The following LANCL2 variants were observed in gnomAD, a reference collection of about 807,000 sequenced individuals.
LANCL2 encodes lanC-like protein 2.
LANCL2 carries 33 observed loss-of-function variants against 56.9 expected under a neutral mutation model. The observed-to-expected ratio is 0.58, with a 90% CI of 0.44 to 0.78. The LOEUF (loss-of-function observed/expected upper bound fraction) is 0.78, where lower values mean the gene tolerates loss of function less well. Ranked by LOEUF, LANCL2 falls within the 30% of genes least tolerant of loss-of-function variation. LANCL2 has a pLI of 0.00. For synonymous variants in LANCL2, 233 were observed against 228.2 expected (o/e 1.02, Z -0.19); for missense variants, 562 against 580.2 (o/e 0.97, Z 0.32).
intron 1 of LANCL2, among the ~76,000 whole-genome samples, chr7:55,375,974 A>G (rs988878188): frequency 1.3e-5 from 2 of 152,056 alleles, no homozygotes; most frequent in South Asian, 2.1e-4. Context: ...TCTGCCCTAT[A>G]TTTCTGACTT....
At chr7:55,396,892 A>T (rs1322682807) in intron 2 of LANCL2, 1 of 152,156 alleles carries the variant, frequency 6.6e-6, no homozygotes, top group Non-Finnish European at 1.5e-5. Context: ...TGAAATTTGT[A>T]AGTATTTAAC....
intron 1 of LANCL2, among the ~76,000 whole-genome samples, chr7:55,388,363 G>A (rs557140763): frequency 6.6e-6 from 1 of 152,238 alleles, no homozygotes; most frequent in Admixed American, 6.5e-5. Context: ...CTGGCCAACA[G>A]GGTAAAACTC....
At chr7:55,368,882 T>C (rs768467867) in intron 1 of LANCL2, among the ~76,000 whole-genome samples, 6 of 152,228 alleles carry the variant, frequency 3.9e-5, no homozygotes, top group Non-Finnish European at 7.3e-5. Flanking sequence ...TGATGGCTCA[T>C]GCCTGTAATA....
chr7:55,419,765 T>G (rs1435758449), intron 6 of LANCL2, among the ~76,000 whole-genome samples: 1 of 152,242 alleles, frequency 6.6e-6, no homozygotes, highest in Non-Finnish European at 1.5e-5. Flanking sequence ...ATAGCAGCTG[T>G]GTCAAAGTTG....
At chr7:55,409,136 T>C (rs1455458266) in intron 5 of LANCL2, among the ~76,000 whole-genome samples, 3 of 150,884 alleles carry the variant, frequency 2.0e-5, no homozygotes, top group Non-Finnish European at 4.4e-5. Flanking sequence ...TTGCCCAGGC[T>C]GGAGTGCACT....
chr7:55,383,700 AG>A (rs1790093817), intron 1 of LANCL2, among the ~76,000 whole-genome samples: 1 of 152,168 alleles, frequency 6.6e-6, no homozygotes, highest in Non-Finnish European at 1.5e-5. Flanking sequence ...CTCCTATAAT[AG>A]GGGCATGCAC....
Position 55,402,798 on chromosome 7 carries a change from C to T in LANCL2, c.825+1478C>T, listed in dbSNP as rs567695946. On this transcript the variant is annotated intron_variant, in intron 5 of 8. Transcript: ENST00000254770. ...CCGGGCGGAGGGTCTCCTCACTTCT[C>T]AGACGGGGCGGCCGGGCAGAGACGC... 2.4e-5 allele frequency among the ~76,000 whole-genome samples: 3 copies of T among 126,472 alleles called. No individual in the cohort carries two copies. The South Asian group carries it at 7.1e-4, about 30-fold the overall frequency. 83.0% of individuals were successfully genotyped at this position (126,472 alleles called of 152,430 possible). A position where few individuals can be genotyped will look rare whatever the true frequency, so the allele number is the denominator to read the frequency against.
At chr7:55,397,958 A>G (rs1790275037) in intron 2 of LANCL2, among the ~76,000 whole-genome samples, 1 of 151,962 alleles carries the variant, frequency 6.6e-6, no homozygotes, top group African/African-American at 2.4e-5. Context: ...TGGGAAAAAT[A>G]GAAAAAAAAA....
In LANCL2 at chr7:55,365,905, G is replaced by T; in HGVS notation, c.-121G>T. On this transcript the variant is annotated 5_prime_UTR_variant, in exon 1 of 9. Coordinates refer to ENST00000254770, the MANE Select transcript of LANCL2 (RefSeq NM_018697.4). ...GACGCCCCGCTCCTCCCGCCAGCGC[G>T]CGGCCTCGCTCCTCCTAGAGGACGC... 1 of 703,482 alleles carries T rather than the reference G, an allele frequency of 1.4e-6. No homozygotes were observed. The highest frequency in any genetic ancestry group is 4.2e-5 in the Admixed American group (1 of 23,930). The allele number at this position is 703,482 out of a possible 1,614,324, so 43.6% of individuals were successfully genotyped here. A position where few individuals can be genotyped will look rare whatever the true frequency, so the allele number is the denominator to read the frequency against.
intron 1 of LANCL2, among the ~76,000 whole-genome samples, chr7:55,380,031 C>T (rs1790048655): frequency 6.6e-6 from 1 of 152,160 alleles, no homozygotes; most frequent in Admixed American, 6.5e-5. Flanking sequence ...AGGTATTTTA[C>T]CACCATGGTT....
At chr7:55,370,054 T>C (rs1201674534) in intron 1 of LANCL2, among the ~76,000 whole-genome samples, 1 of 152,224 alleles carries the variant, frequency 6.6e-6, no homozygotes, top group Admixed American at 6.5e-5. Flanking sequence ...GCTCACGGTC[T>C]CTGGAGAAGC....
At chr7:55,386,152 A>C (rs1205290961) in intron 1 of LANCL2, among the ~76,000 whole-genome samples, 3 of 152,126 alleles carry the variant, frequency 2.0e-5, no homozygotes, top group Non-Finnish European at 4.4e-5. Flanking sequence ...TGTAGTTAAC[A>C]CAATTATTAC....
chr7:55,422,824 T>C (rs917982403), intron 6 of LANCL2, among the ~76,000 whole-genome samples: 4 of 152,240 alleles, frequency 2.6e-5, no homozygotes, highest in African/African-American at 9.6e-5. Flanking sequence ...ATAGTTCCCT[T>C]TTCATCTTTG....
intron 3 of LANCL2, among the ~76,000 whole-genome samples, chr7:55,399,425 C>T (rs111342516): frequency 0.051 from 7,589 of 149,372 alleles, 644 homozygotes; most frequent in African/African-American, 0.17. Flanking sequence ...CTCACTGCAA[C>T]GTCCGCCTCC....
Position 55,433,477 on chromosome 7 carries a change from A to G in LANCL2, c.*2157A>G, listed in dbSNP as rs571168869. Reference sequence around the variant, plus strand: ...ATTCCAGCTCGGTCCCTCCAGGCAAAGGAGAAACGGGACTTACTTCACAGG... The same window carrying G: ...ATTCCAGCTCGGTCCCTCCAGGCAAGGGAGAAACGGGACTTACTTCACAGG... On this transcript the variant is annotated 3_prime_UTR_variant, in exon 9 of 9. Coordinates refer to ENST00000254770, the MANE Select transcript of LANCL2 (RefSeq NM_018697.4). 2.9e-4 allele frequency: 44 copies of G among 152,312 alleles called. No homozygotes were observed. Among genetic ancestry groups the G allele is most frequent in the African/African-American group, 1.1e-3 (44 of 41,562 alleles). The allele number at this position is 152,312 out of a possible 1,614,324, so 9.4% of individuals were successfully genotyped here.
intron 4 of LANCL2, among the ~76,000 whole-genome samples, 197 bp downstream of exon 4, chr7:55,400,301 A>G (rs868728856): frequency 1.3e-5 from 2 of 152,182 alleles, no homozygotes; most frequent in Non-Finnish European, 2.9e-5. Context: ...ATCTTGTATT[A>G]ATTTATCAGT....
intron 6 of LANCL2, among the ~76,000 whole-genome samples, chr7:55,415,676 C>T (rs1790528648): frequency 7.1e-6 from 1 of 139,996 alleles, no homozygotes; most frequent in Non-Finnish European, 1.5e-5. Flanking sequence ...TGCAGTGGCG[C>T]AGTTTTGGCT....
chr7:55,376,558 C>G (rs1790005575), intron 1 of LANCL2, among the ~76,000 whole-genome samples: 1 of 152,206 alleles, frequency 6.6e-6, no homozygotes, highest in South Asian at 2.1e-4. Flanking sequence ...CATCCCCTCT[C>G]CACCCTTCTG....
At chr7:55,408,735 C>T (rs992314489) in intron 5 of LANCL2, among the ~76,000 whole-genome samples, 2 of 151,680 alleles carry the variant, frequency 1.3e-5, no homozygotes, top group Non-Finnish European at 2.9e-5. Flanking sequence ...CAGTTTCCTA[C>T]ACAATGAGTG....
Sources: allele counts gnomAD v4.1 joint callset (sites outside exome capture counted in the v4.1 genomes callset), GRCh38; gene constraint gnomAD v4.1.1; transcripts MANE v1.5; gene names NCBI Gene and HGNC (gene_info 2026-07-23, HGNC 2026-07-21).